Variants in NKAIN2 observed in about 807,000 individuals in gnomAD.
The protein encoded by NKAIN2 is sodium/potassium transporting ATPase interacting 2.
Under a neutral mutation model 32.6 loss-of-function variants are expected in NKAIN2, and 14 were observed. The observed-to-expected ratio is 0.43, with a 90% CI of 0.28 to 0.67. The LOEUF (loss-of-function observed/expected upper bound fraction) is 0.67, where lower values mean the gene tolerates loss of function less well. Among genes scored for constraint, NKAIN2 ranks in the 30% least tolerant of loss-of-function variants. The pLI is 0.17. For missense variants in NKAIN2, 198 were observed against 258.3 expected (o/e 0.77, Z 1.60); for synonymous variants, 80 against 87.2 (o/e 0.92, Z 0.46).
At chr6:124,263,795 G>A (rs1447717783) in intron 1 of NKAIN2, among the ~76,000 whole-genome samples, 2 of 151,326 alleles carry the variant, frequency 1.3e-5, no homozygotes, top group South Asian at 2.1e-4. Context: ...TTTTAAGACA[G>A]GTAGTTCTTT....
rs1782231500 is a variant in NKAIN2, at chr6:124,048,163, T to C, written c.55-234842T>C. ...CTGAGCCCTTGCACACTGCCCCTCA[T>C]TGGATGCTTTCCTCTGGTTGCTCCT... On this transcript the variant is annotated intron_variant, in intron 1 of 6. Transcript: ENST00000368417. 2.6e-5 allele frequency among the ~76,000 whole-genome samples: 4 copies of C among 152,012 alleles called. No homozygotes were observed. In the South Asian group the frequency reaches 8.3e-4, roughly 31 times the overall value.
chr6:124,658,455 G>A (rs56409826), intron 4 of NKAIN2, 69 bp downstream of exon 4: 7 of 1,610,320 alleles, frequency 4.3e-6, no homozygotes, highest in East Asian at 4.5e-5. Flanking sequence ...CGAACTCAGT[G>A]CACACAAATG....
intron 3 of NKAIN2, among the ~76,000 whole-genome samples, chr6:124,583,477 C>T (rs920043580): frequency 1.5e-4 from 23 of 151,806 alleles, no homozygotes; most frequent in African/African-American, 5.6e-4. Context: ...GAAAAGAATA[C>T]AAAAATCAAA....
Position 124,658,541 on chromosome 6 carries a change from A to G in NKAIN2, c.474+155A>G, listed in dbSNP as rs1027948822. 2.4e-5 allele frequency: 35 copies of G among 1,471,980 alleles called. No individual in the cohort carries two copies. In the Admixed American group the frequency reaches 6.9e-4, roughly 29 times the overall value. The allele number at this position is 1,471,980 out of a possible 1,614,324, so 91.2% of individuals were successfully genotyped here. On this transcript the variant is annotated intron_variant, in intron 4 of 6. Transcript: ENST00000368417. ...TTTTAACAGGAAATCCTCAGGTTAA[A>G]CTAAACCATCCTCTGGACTTAGTGT...
chr6:124,412,699 G>T (rs1292880856), intron 3 of NKAIN2, among the ~76,000 whole-genome samples: 1 of 152,216 alleles, frequency 6.6e-6, no homozygotes, highest in Non-Finnish European at 1.5e-5. Context: ...TCTCTTCAAA[G>T]CTGTCAGACA....
intron 1 of NKAIN2, among the ~76,000 whole-genome samples, chr6:123,831,684 T>C (rs9482469): frequency 0.035 from 5,315 of 149,796 alleles, 336 homozygotes; most frequent in African/African-American, 0.13. Flanking sequence ...GAGACGGAGT[T>C]TTGCTCTGTC....
intron 4 of NKAIN2, among the ~76,000 whole-genome samples, chr6:124,709,465 G>A (rs1028051270): frequency 2.6e-4 from 40 of 151,612 alleles, no homozygotes; most frequent in Non-Finnish European, 4.4e-4. Flanking sequence ...AATCCATCTG[G>A]TCCTGGACTC....
At position 123,976,284 on chromosome 6, in the gene NKAIN2, C is replaced by CATAT. The variant is rs1433812911; in HGVS notation, c.54+172035_54+172038dup. Among the ~76,000 whole-genome samples, 6 of 71,544 alleles carry CATAT rather than the reference C, an allele frequency of 8.4e-5. 1 individual carries two copies. The highest frequency in any genetic ancestry group is 1.8e-4 in the Non-Finnish European group (6 of 32,796). The allele number at this position is 71,544 out of a possible 152,430, so 46.9% of individuals were successfully genotyped here. ...ATATATGTTTCCATATATATGTTTC[C>CATAT]ATATATATGTTTCCATATATATGTT... On this transcript the variant is annotated intron_variant, in intron 1 of 6. Coordinates refer to ENST00000368417, the MANE Select transcript of NKAIN2 (RefSeq NM_001040214.3).
At chr6:124,364,502 A>G (rs941884039) in intron 3 of NKAIN2, among the ~76,000 whole-genome samples, 1 of 152,024 alleles carries the variant, frequency 6.6e-6, no homozygotes, top group Non-Finnish European at 1.5e-5. Context: ...CAAAGAGAAG[A>G]TTATAAGAGG....
intron 3 of NKAIN2, among the ~76,000 whole-genome samples, chr6:124,609,555 G>A (rs368463658): frequency 6.6e-6 from 1 of 152,012 alleles, no homozygotes; most frequent in African/African-American, 2.4e-5. Flanking sequence ...TGAGAGTAAC[G>A]AGTGAAGATG....
intron 1 of NKAIN2, among the ~76,000 whole-genome samples, chr6:124,026,649 G>A (rs771819752): frequency 3.1e-4 from 47 of 152,190 alleles, no homozygotes; most frequent in South Asian, 6.2e-4. Context: ...AACTATGCAG[G>A]CATCACAGTT....
At chr6:124,697,101 GAA>G (rs1017999861) in intron 4 of NKAIN2, among the ~76,000 whole-genome samples, 2 of 151,972 alleles carry the variant, frequency 1.3e-5, no homozygotes, top group Non-Finnish European at 2.9e-5. Context: ...TTTAAATCTT[GAA>G]AAGTTTTTAA....
chr6:124,198,656 T>G (rs1790442938), intron 1 of NKAIN2, among the ~76,000 whole-genome samples: 3 of 152,034 alleles, frequency 2.0e-5, no homozygotes, highest in Admixed American at 2.0e-4. Flanking sequence ...TAAGACCTTT[T>G]GCTCTGCATG....
At chr6:124,068,993 A>T (rs1252629072) in intron 1 of NKAIN2, among the ~76,000 whole-genome samples, 2 of 152,032 alleles carry the variant, frequency 1.3e-5, no homozygotes, top group African/African-American at 4.8e-5. Context: ...ACTCCTCAAA[A>T]CATTTTAGCT....
chr6:124,468,600 A>G (rs959242606), intron 3 of NKAIN2, among the ~76,000 whole-genome samples: 1 of 152,210 alleles, frequency 6.6e-6, no homozygotes, highest in African/African-American at 2.4e-5. Context: ...CATAGGATGC[A>G]CATATATTTA....
intron 1 of NKAIN2, among the ~76,000 whole-genome samples, chr6:124,279,607 A>G (rs1469013728): frequency 1.3e-5 from 2 of 151,998 alleles, no homozygotes; most frequent in Non-Finnish European, 2.9e-5. Flanking sequence ...AAAAAGAGAG[A>G]AAAAGAAATT....
At chr6:124,579,547 G>C (rs1038673190) in intron 3 of NKAIN2, among the ~76,000 whole-genome samples, 1 of 152,130 alleles carries the variant, frequency 6.6e-6, no homozygotes, top group Non-Finnish European at 1.5e-5. Context: ...AAAATACACA[G>C]AGCAGACAAA....
chr6:124,534,435 G>A (rs967296879), intron 3 of NKAIN2, among the ~76,000 whole-genome samples: 2 of 152,186 alleles, frequency 1.3e-5, no homozygotes, highest in Non-Finnish European at 2.9e-5. Context: ...ACAGGTGTGA[G>A]CCACCATGCC....
intron 4 of NKAIN2, among the ~76,000 whole-genome samples, chr6:124,728,836 G>C (rs1179298825): frequency 2.6e-5 from 4 of 151,964 alleles, no homozygotes; most frequent in African/African-American, 9.7e-5. Flanking sequence ...AAAAAAGAGA[G>C]AAGAATCTAA....
Sources: gnomAD v4.1 joint callset for allele counts (sites outside exome capture counted in the v4.1 genomes callset) on GRCh38, gnomAD v4.1.1 for gene constraint, MANE v1.5 for transcripts, NCBI Gene and HGNC (gene_info 2026-07-23, HGNC 2026-07-21) for gene names.